NRG1: variants seen among roughly 807,000 people sequenced by gnomAD.
The protein encoded by NRG1 is neuregulin 1.
NRG1 carries 18 observed loss-of-function variants against 63.8 expected under a neutral mutation model. That is an observed-to-expected ratio of 0.28 (90% CI 0.19 to 0.42). The LOEUF (loss-of-function observed/expected upper bound fraction) is 0.42, where lower values mean the gene tolerates loss of function less well. Among genes scored for constraint, NRG1 ranks in the 10% least tolerant of loss-of-function variants. The pLI, the probability that NRG1 is intolerant of heterozygous loss-of-function variation, is 1.00. For missense variants in NRG1, 762 were observed against 814.7 expected, an observed-to-expected ratio of 0.94 and a Z score of 0.79; for synonymous variants, 302 against 301.3, an observed-to-expected ratio of 1.00 and a Z score of -0.02.
In NRG1 at chr8:31,663,619, T is replaced by C. The variant is rs564135068; in HGVS notation, c.37+24188T>C. On this transcript the variant is annotated intron_variant, in intron 1 of 10. Coordinates refer to the NRG1 transcript ENST00000519301. Reference sequence around the variant, plus strand: ...ATAAAGCATGAATAATTGCACCTTTTCCCCCAAATGTCATATACTTTGATA... The same window carrying C: ...ATAAAGCATGAATAATTGCACCTTTCCCCCCAAATGTCATATACTTTGATA... Among the ~76,000 whole-genome samples the C allele has an allele frequency of 3.9e-5, 6 of 152,292 alleles. No homozygotes were observed. In the East Asian group the frequency reaches 9.7e-4, roughly 25 times the overall value.
At chr8:31,683,581 G>T (rs1808563663) in intron 1 of NRG1, among the ~76,000 whole-genome samples, 2 of 152,168 alleles carry the variant, frequency 1.3e-5, no homozygotes, top group Non-Finnish European at 2.9e-5. Flanking sequence ...GATCTTCAGG[G>T]CGGTGAAACT....
At chr8:32,284,493 T>TGCCTG (rs1563269790) in intron 1 of NRG1, among the ~76,000 whole-genome samples, 368 of 27,572 alleles carry the variant, frequency 0.013, 2 homozygotes, top group Admixed American at 0.028. Flanking sequence ...CTGCCTGCCT[T>TGCCTG]CCTTCCTTCC....
At chr8:32,436,222 C>T (rs1013359077) in intron 1 of NRG1, among the ~76,000 whole-genome samples, 1 of 152,060 alleles carries the variant, frequency 6.6e-6, no homozygotes, top group African/African-American at 2.4e-5. Flanking sequence ...CTTATAAAGC[C>T]ATCAGATCTA....
In NRG1 at chr8:32,027,414, C is replaced by CTCCTTCCT. The variant is rs774505431; in HGVS notation, c.37+388031_37+388038dup. On this transcript the variant is annotated intron_variant, in intron 1 of 10. Coordinates refer to the NRG1 transcript ENST00000519301. ...GTTTTTTATAAATTTCCTTCCTTCC[C>CTCCTTCCT]TCCTTCCTTCCTTCCTTCCTTCCTT... is the stretch of plus-strand genomic sequence containing the variant. Among the ~76,000 whole-genome samples, 367 of 114,124 alleles carry CTCCTTCCT rather than the reference C, an allele frequency of 3.2e-3. 13 individuals are homozygous for CTCCTTCCT. Among genetic ancestry groups the CTCCTTCCT allele is most frequent in the African/African-American group, 0.015 (343 of 23,548 alleles). 74.9% of individuals were successfully genotyped at this position (114,124 alleles called of 152,430 possible).
intron 1 of NRG1, among the ~76,000 whole-genome samples, chr8:31,692,847 G>T (rs1809667054): frequency 6.6e-6 from 1 of 152,222 alleles, no homozygotes; most frequent in Non-Finnish European, 1.5e-5. Context: ...CTTTGTGAGG[G>T]GTTGGAACCT....
chr8:31,827,966 G>C (rs1024093109), intron 1 of NRG1, among the ~76,000 whole-genome samples: 1 of 152,154 alleles, frequency 6.6e-6, no homozygotes, highest in African/African-American at 2.4e-5. Context: ...GTCCCAGAGG[G>C]ATCTGTCTGT....
At chr8:31,782,457 T>G (rs1325283094) in intron 1 of NRG1, among the ~76,000 whole-genome samples, 1 of 152,170 alleles carries the variant, frequency 6.6e-6, no homozygotes, top group Non-Finnish European at 1.5e-5. Context: ...ATTTGCATAT[T>G]TATTATCTGT....
chr8:32,212,623 A>G (rs1257931291), intron 1 of NRG1, among the ~76,000 whole-genome samples: 1 of 152,184 alleles, frequency 6.6e-6, no homozygotes, highest in African/African-American at 2.4e-5. Context: ...TTAAGAACTC[A>G]TATGGACTAG....
intron 10 of NRG1, 86 bp downstream of exon 10, chr8:32,759,522 GC>G: frequency 2.0e-6 from 3 of 1,478,536 alleles, no homozygotes. Flanking sequence ...AAGAAAGGAG[GC>G]AGTGAAATGG....
intron 6 of NRG1, among the ~76,000 whole-genome samples, chr8:32,735,643 A>C (rs1824835932): frequency 6.6e-6 from 1 of 152,116 alleles, no homozygotes; most frequent in Non-Finnish European, 1.5e-5. Flanking sequence ...TGACGTGGAG[A>C]TGTATGGGAT....
chr8:32,479,036 C>G (rs561343992), intron 1 of NRG1, among the ~76,000 whole-genome samples: 1 of 152,270 alleles, frequency 6.6e-6, no homozygotes, highest in African/African-American at 2.4e-5. Flanking sequence ...CTTACCTGCT[C>G]TAAGGTATTG....
intron 1 of NRG1, among the ~76,000 whole-genome samples, chr8:32,454,505 A>T (rs1203887777): frequency 6.6e-6 from 1 of 151,116 alleles, no homozygotes; most frequent in African/African-American, 2.4e-5. Context: ...AAATGTCTCA[A>T]TTTTAGTAAG....
chr8:32,084,109 C>A (rs1381873), intron 1 of NRG1, among the ~76,000 whole-genome samples: 149,240 of 152,304 alleles, frequency 0.98, 73,189 homozygotes, highest in East Asian at 1. Context: ...GCATTATACC[C>A]ATTTAGTATC....
chr8:32,059,608 C>G (rs1823523117), intron 1 of NRG1, among the ~76,000 whole-genome samples: 1 of 152,004 alleles, frequency 6.6e-6, no homozygotes, highest in Non-Finnish European at 1.5e-5. Flanking sequence ...AATTTGAAAG[C>G]TCTGCTCCAT....
chr8:31,936,764 T>C (rs1449606344), intron 1 of NRG1, among the ~76,000 whole-genome samples: 1 of 152,222 alleles, frequency 6.6e-6, no homozygotes, highest in Non-Finnish European at 1.5e-5. Flanking sequence ...GATACTCTAT[T>C]ATCCCTTCAG....
chr8:32,351,630 C>T (rs750639399), intron 1 of NRG1, among the ~76,000 whole-genome samples: 6 of 152,156 alleles, frequency 3.9e-5, no homozygotes, highest in East Asian at 1.9e-4. Flanking sequence ...CCCATCTCTC[C>T]GTCTGAGGGG....
chr8:32,296,336 C>T lies in NRG1; in HGVS notation c.38-299492C>T, dbSNP rs369696519. Among the ~76,000 whole-genome samples the T allele has an allele frequency of 2.4e-4, 36 of 152,126 alleles. 1 individual carries two copies. The highest frequency in any genetic ancestry group is 8.2e-4 in the African/African-American group (34 of 41,534). On this transcript the variant is annotated intron_variant, in intron 1 of 10. Transcript: ENST00000519301. The stretch of plus-strand genomic sequence containing the variant: ...CAGGTGCGGTGGCTCACGCCTGTAA[C>T]CCCAGCCCTTTGGGGGGCTGAGAGG...
intron 1 of NRG1, among the ~76,000 whole-genome samples, chr8:32,447,348 T>G (rs990929725): frequency 4.2e-4 from 64 of 152,236 alleles, no homozygotes; most frequent in African/African-American, 1.5e-3. Flanking sequence ...TAAGATTGTC[T>G]CATCCTTCTC....
intron 1 of NRG1, among the ~76,000 whole-genome samples, chr8:31,761,857 G>C (rs1018381989): frequency 5.9e-5 from 9 of 152,166 alleles, no homozygotes; most frequent in Non-Finnish European, 8.8e-5. Context: ...TGATAGACTT[G>C]CTGAATGCAG....
Sources: allele counts gnomAD v4.1 joint callset (sites outside exome capture counted in the v4.1 genomes callset), GRCh38; gene constraint gnomAD v4.1.1; transcripts MANE v1.5; gene names NCBI Gene and HGNC (gene_info 2026-07-23, HGNC 2026-07-21).